Variants in NAA38 observed in about 807,000 individuals in gnomAD.
NAA38 encodes the protein N-alpha-acetyltransferase 38, NatC auxiliary subunit.
NAA38 carries 15 observed loss-of-function variants against 12.6 expected under a neutral mutation model. The ratio of observed to expected loss-of-function variants is 1.19; its 90% CI spans 0.79 to 1.83. The LOEUF (loss-of-function observed/expected upper bound fraction) is 1.83, where lower values mean the gene tolerates loss of function less well. Ranked by LOEUF, NAA38 falls within the 40% of genes most tolerant of loss-of-function variation. The probability of loss-of-function intolerance (pLI) is 0.00; values close to 1 mark genes in which losing one functional copy is unlikely to be tolerated. For synonymous variants in NAA38, 88 were observed against 69.9 expected (o/e 1.26, Z -1.29); for missense variants, 183 against 171.7 (o/e 1.07, Z -0.37).
intron 2 of NAA38, among the ~76,000 whole-genome samples, chr17:7,873,878 G>C (rs909385045): frequency 1.3e-5 from 2 of 152,140 alleles, no homozygotes; most frequent in African/African-American, 4.8e-5. Flanking sequence ...TCTTTAAAAT[G>C]AACTAGTGTA....
intron 2 of NAA38, among the ~76,000 whole-genome samples, chr17:7,876,254 T>C (rs1452563452): frequency 6.6e-6 from 1 of 152,134 alleles, no homozygotes; most frequent in Non-Finnish European, 1.5e-5. Context: ...GTATCAATGA[T>C]CATGCCTTCC....
chr17:7,858,057 G>A, upstream of NAA38: 1 of 1,570,696 alleles, frequency 6.4e-7, no homozygotes, highest in East Asian at 2.3e-5. Context: ...GGACGCGACG[G>A]AGGTCGTAGT....
At chr17:7,876,846 T>C (rs566938097) in intron 2 of NAA38, among the ~76,000 whole-genome samples, 8 of 152,346 alleles carry the variant, frequency 5.3e-5, no homozygotes, top group Admixed American at 1.3e-4. Flanking sequence ...ACTACTGTGG[T>C]TTCCTGTATA....
intron 1 of NAA38, chr17:7,884,997 G>T (rs1450522944): frequency 1.6e-6 from 2 of 1,242,012 alleles, no homozygotes; most frequent in Non-Finnish European, 1.0e-6. Flanking sequence ...GGCCGCGACC[G>T]CCACAGCCCC....
intron 2 of NAA38, among the ~76,000 whole-genome samples, chr17:7,869,481 G>C (rs1272402325): frequency 1.3e-5 from 2 of 152,172 alleles, no homozygotes; most frequent in Non-Finnish European, 2.9e-5. Context: ...ATGATGCTCA[G>C]TCGAGTGCGG....
intron 2 of NAA38, among the ~76,000 whole-genome samples, chr17:7,873,342 G>T (rs1437682750): frequency 1.3e-5 from 2 of 152,130 alleles, no homozygotes; most frequent in Non-Finnish European, 2.9e-5. Flanking sequence ...TTCAAAAAGG[G>T]GGTGGTCAAG....
At chr17:7,857,766 T>C (rs2078841357), upstream of NAA38, 3 of 1,272,906 alleles carry the variant, frequency 2.4e-6, no homozygotes, top group Non-Finnish European at 9.9e-7. Flanking sequence ...GCCTCCTCCC[T>C]TGTTTTTCTG....
chr17:7,880,870 A>G (rs1967259596), intron 2 of NAA38, among the ~76,000 whole-genome samples: 1 of 152,188 alleles, frequency 6.6e-6, no homozygotes, highest in South Asian at 2.1e-4. Flanking sequence ...GCACTCCTCA[A>G]GTACTGGTAG....
intron 2 of NAA38, among the ~76,000 whole-genome samples, chr17:7,881,381 CA>C (rs2151393479): frequency 6.6e-6 from 1 of 151,864 alleles, no homozygotes; most frequent in African/African-American, 2.4e-5. Flanking sequence ...GGGAAAATGG[CA>C]AAAAGACTGA....
At chr17:7,858,367 G>A, upstream of NAA38, 1 of 1,614,122 alleles carries the variant, frequency 6.2e-7, no homozygotes, top group Non-Finnish European at 8.5e-7. Flanking sequence ...TTCTCGAAGG[G>A]CTGGCATTGA....
chr17:7,857,123 T>G lies in NAA38; in HGVS notation c.157A>C (p.Met53Leu), dbSNP rs752818984. The G allele has an allele frequency of 9.9e-6, 16 of 1,613,262 alleles. No homozygotes were observed. Among genetic ancestry groups the G allele is most frequent in the Non-Finnish European group, 1.4e-5 (16 of 1,180,032 alleles). ...CGTCCATCTGTCATGCGAATGCGCA[T>G]AGTCTTGTTGAGCAGCGCCTCTAGC... ...QQLEALLNKT[M>L]RIRMTDGRTL... Residue 53 changes from methionine to leucine, a missense_variant, in exon 2 of 3, where the codon ATG (methionine) becomes CTG (leucine). Transcript: ENST00000575771.
chr17:7,870,851 C>T (rs1967073440), intron 2 of NAA38, among the ~76,000 whole-genome samples: 1 of 150,384 alleles, frequency 6.6e-6, no homozygotes, highest in Non-Finnish European at 1.5e-5. Context: ...CGTGTCACTA[C>T]ACTCCAGCTT....
intron 1 of NAA38, among the ~76,000 whole-genome samples, chr17:7,883,992 C>T (rs540697988): frequency 6.6e-6 from 1 of 152,092 alleles, no homozygotes; most frequent in South Asian, 2.1e-4. Flanking sequence ...TTAATGCCCC[C>T]CCTCAAATAT....
chr17:7,859,371 G>A (rs141970156), upstream of NAA38: 36,961 of 1,611,174 alleles, frequency 0.023, 580 homozygotes, highest in Middle Eastern at 0.078. Flanking sequence ...GGGTGCTTCT[G>A]TGTTCTCCAG....
upstream of NAA38, chr17:7,857,807 C>T (rs537171469): frequency 7.6e-7 from 1 of 1,321,158 alleles, no homozygotes; most frequent in East Asian, 3.1e-5. Flanking sequence ...CTAAATATCC[C>T]ATGTAGCCCA....
upstream of NAA38, chr17:7,857,834 C>G (rs1037608071): frequency 2.2e-6 from 3 of 1,352,904 alleles, no homozygotes; most frequent in African/African-American, 2.9e-5. Flanking sequence ...TGAATTAAAA[C>G]GGAGCGTATT....
chr17:7,863,569 G>A (rs1966910145), intron 3 of NAA38: 1 of 152,170 alleles, frequency 6.6e-6, no homozygotes, highest in African/African-American at 2.4e-5. Flanking sequence ...AAAGGCTTAA[G>A]TTATGGTATA....
At chr17:7,863,755 A>G (rs1567815284) in intron 3 of NAA38, 1 of 152,080 alleles carries the variant, frequency 6.6e-6, no homozygotes, top group Admixed American at 6.5e-5. Flanking sequence ...TACTCCTGAA[A>G]TAGCACGCAC....
At chr17:7,866,450 A>AG (rs1200357296) in intron 3 of NAA38, 10 of 1,230,900 alleles carry the variant, frequency 8.1e-6, no homozygotes, top group Non-Finnish European at 1.0e-5. Context: ...AAGTCTTCAA[A>AG]GGCAACCTAC....
Sources: allele counts gnomAD v4.1 joint callset (sites outside exome capture counted in the v4.1 genomes callset), GRCh38; gene constraint gnomAD v4.1.1; transcripts MANE v1.5; gene names NCBI Gene and HGNC (gene_info 2026-07-23, HGNC 2026-07-21).